Variants in TEX14 observed in about 807,000 individuals in gnomAD.
The protein encoded by TEX14 is testis expressed 14, intercellular bridge forming factor, also known as inactive serine/threonine-protein kinase TEX14.
A neutral mutation model predicts 178.6 loss-of-function variants in TEX14; 168 were observed. That is an observed-to-expected ratio of 0.94 (90% CI 0.83 to 1.07). The LOEUF is 1.07. Ranked by LOEUF, TEX14 falls within the 50% of genes least tolerant of loss-of-function variation. The pLI is 0.00. For missense variants in TEX14, 1,730 were observed against 1,753.6 expected, an observed-to-expected ratio of 0.99 and a Z score of 0.24; for synonymous variants, 626 against 634.1, an observed-to-expected ratio of 0.99 and a Z score of 0.19.
chr17:58,661,375 G>C (rs1303978281), intron 1 of TEX14: 1 of 927,342 alleles, frequency 1.1e-6, no homozygotes, highest in Admixed American at 1.7e-5. Flanking sequence ...TCAGGTCGGT[G>C]GAAGTAATCT....
chr17:58,571,235 C>CTTTTT (rs11456555), intron 24 of TEX14, among the ~76,000 whole-genome samples: 17 of 127,226 alleles, frequency 1.3e-4, no homozygotes, highest in African/African-American at 1.5e-4. Context: ...CTTTTCTTTT[C>CTTTTT]TTTTTTTTTT....
chr17:58,670,785 A>C (rs1320851960), intron 1 of TEX14, among the ~76,000 whole-genome samples: 3 of 150,714 alleles, frequency 2.0e-5, no homozygotes, highest in Non-Finnish European at 3.0e-5. Context: ...AAAAAAAAAA[A>C]AAAAAAAAAA....
At chr17:58,579,533 T>C in intron 20 of TEX14, 132 bp downstream of exon 20, 1 of 719,612 alleles carries the variant, frequency 1.4e-6, no homozygotes, top group Non-Finnish European at 2.4e-6. Context: ...GAACCTTGGT[T>C]TTCTCAACCA....
intron 20 of TEX14, among the ~76,000 whole-genome samples, chr17:58,579,030 C>G (rs574359116): frequency 3.9e-5 from 6 of 152,204 alleles, no homozygotes; most frequent in Non-Finnish European, 7.4e-5. Flanking sequence ...AAAAATGTAA[C>G]AAAGCCAACA....
intron 1 of TEX14, among the ~76,000 whole-genome samples, chr17:58,684,099 T>C (rs1015616744): frequency 1.3e-5 from 2 of 151,706 alleles, no homozygotes; most frequent in African/African-American, 4.8e-5. Context: ...ACATTTCATA[T>C]AGAAGGGGAA....
intron 2 of TEX14, among the ~76,000 whole-genome samples, chr17:58,639,859 G>A (rs2046532736): frequency 6.6e-6 from 1 of 152,198 alleles, no homozygotes; most frequent in South Asian, 2.1e-4. Context: ...AGGGAACAGG[G>A]TGACTGAGAC....
chr17:58,590,133 C>T (rs964048629), intron 15 of TEX14, among the ~76,000 whole-genome samples: 7 of 151,908 alleles, frequency 4.6e-5, no homozygotes, highest in South Asian at 4.2e-4. Context: ...TGGTGGTGCA[C>T]GCCTGTAATC....
rs190178042 is a variant in TEX14 at position 58,605,093 on chromosome 17, C to T, written c.1221G>A (p.Val407=). 6.2e-7 allele frequency: 1 copy of T among 1,614,180 alleles called. No homozygotes were observed. Among genetic ancestry groups the T allele is most frequent in the Admixed American group, 1.7e-5 (1 of 60,024 alleles). ...DRGVQRDLTR[V]PLPTQLYNWA... ...AGTTGTATAGCTGCGTAGGAAGGGGCACTCGAGTCAGGTCCCTCTGTACAC... is the reference window on the plus strand; with the variant it reads ...AGTTGTATAGCTGCGTAGGAAGGGGTACTCGAGTCAGGTCCCTCTGTACAC... The change falls in exon 11 of 32, where the codon GTG becomes GTA. Residue 407 remains valine (V), a synonymous_variant. Coordinates refer to ENST00000349033, the MANE Select transcript of TEX14 (RefSeq NM_031272.5).
intron 13 of TEX14, among the ~76,000 whole-genome samples, chr17:58,600,218 G>A (rs1351755156): frequency 6.6e-6 from 1 of 152,134 alleles, no homozygotes; most frequent in African/African-American, 2.4e-5. Flanking sequence ...TGCTCTTGGT[G>A]AGCATCTGAT....
intron 15 of TEX14, among the ~76,000 whole-genome samples, chr17:58,592,776 T>C (rs948605772): frequency 2.0e-5 from 3 of 152,160 alleles, no homozygotes; most frequent in African/African-American, 4.8e-5. Flanking sequence ...TGACCTCAAG[T>C]GATCCGCCCA....
At chr17:58,591,728 A>C (rs2045148040) in intron 15 of TEX14, among the ~76,000 whole-genome samples, 1 of 151,580 alleles carries the variant, frequency 6.6e-6, no homozygotes, top group Non-Finnish European at 1.5e-5. Context: ...AAAAAAAACA[A>C]AAAAAAACTA....
intron 26 of TEX14, among the ~76,000 whole-genome samples, chr17:58,568,248 A>T (rs556375462): frequency 6.6e-6 from 1 of 152,170 alleles, no homozygotes; most frequent in Non-Finnish European, 1.5e-5. Flanking sequence ...AGGTCCTATG[A>T]CCATGGAAAA....
intron 1 of TEX14, among the ~76,000 whole-genome samples, chr17:58,686,207 T>C (rs1454513823): frequency 6.6e-6 from 1 of 152,066 alleles, no homozygotes; most frequent in African/African-American, 2.4e-5. Context: ...CACGGTGGCA[T>C]GTGCCTGTTA....
At chr17:58,572,558 G>A (rs948201196) in intron 23 of TEX14, among the ~76,000 whole-genome samples, 3 of 151,956 alleles carry the variant, frequency 2.0e-5, no homozygotes, top group African/African-American at 7.3e-5. Context: ...CATGAACCCG[G>A]GAGGCGGAGC....
At chr17:58,602,016 C>A in intron 12 of TEX14, 60 bp from the exon 13 acceptor site, 1 of 1,560,218 alleles carries the variant, frequency 6.4e-7, no homozygotes, top group Non-Finnish European at 8.8e-7. Context: ...GTCACTGGTG[C>A]TTTAGAAACC....
At chr17:58,679,474 G>GA (rs1167030121) in intron 1 of TEX14, 1 of 152,070 alleles carries the variant, frequency 6.6e-6, no homozygotes, top group Admixed American at 6.6e-5. Flanking sequence ...TATAACACAG[G>GA]AAAACCTACG....
At chr17:58,673,247 G>A (rs1307811824) in intron 1 of TEX14, among the ~76,000 whole-genome samples, 1 of 151,514 alleles carries the variant, frequency 6.6e-6, no homozygotes, top group African/African-American at 2.4e-5. Context: ...TTGGAAGGCC[G>A]AGGTGGGTGG....
chr17:58,567,494 T>C (rs761188095), intron 26 of TEX14, among the ~76,000 whole-genome samples: 1 of 152,218 alleles, frequency 6.6e-6, no homozygotes, highest in Non-Finnish European at 1.5e-5. Flanking sequence ...TGCGCAGATC[T>C]TAAATGATCA....
In TEX14 at chr17:58,601,866, G is replaced by A. The variant is rs1598375864; in HGVS notation, c.1618C>T (p.Leu540=). Residue 540 remains leucine, a synonymous_variant, in exon 13 of 32, where the codon CTG becomes TTG. Transcript: ENST00000349033. The stretch of plus-strand genomic sequence containing the variant: ...GTCTCTCTGGGGTGTTCTGAAGTCA[G>A]TCCTAGATAGACATTGACATCGGGA... ...LHPDVNVYLG[L]TSEHPRETPD... 1.9e-6 allele frequency: 3 copies of A among 1,613,164 alleles called. No individual in the cohort carries two copies. Among genetic ancestry groups the A allele is most frequent in the African/African-American group, 1.3e-5 (1 of 74,826 alleles).
Sources: gnomAD v4.1 joint callset for allele counts (sites outside exome capture counted in the v4.1 genomes callset) on GRCh38, gnomAD v4.1.1 for gene constraint, MANE v1.5 for transcripts, NCBI Gene and HGNC (gene_info 2026-07-23, HGNC 2026-07-21) for gene names.